The following TAFA1 variants were observed in gnomAD, a reference collection of about 807,000 sequenced individuals.
The protein encoded by TAFA1 is TAFA chemokine like family member 1.
TAFA1 carries 4 observed loss-of-function variants against 18.5 expected under a neutral mutation model. The observed-to-expected ratio is 0.22, with a 90% confidence interval of 0.11 to 0.49. The LOEUF (loss-of-function observed/expected upper bound fraction) is 0.49, where lower values mean the gene tolerates loss of function less well. TAFA1 is among the 20% of genes least tolerant of loss of function. The probability of loss-of-function intolerance (pLI) is 0.98; values close to 1 mark genes in which losing one functional copy is unlikely to be tolerated. For missense variants in TAFA1, 147 were observed against 169.0 expected, an observed-to-expected ratio of 0.87 and a Z score of 0.72; for synonymous variants, 56 against 55.2, an observed-to-expected ratio of 1.01 and a Z score of -0.06.
chr3:68,112,862 T>C (rs1316569123), intron 2 of TAFA1, among the ~76,000 whole-genome samples: 1 of 152,114 alleles, frequency 6.6e-6, no homozygotes, highest in Non-Finnish European at 1.5e-5. Flanking sequence ...ATAAAAGATA[T>C]GGAATGTTCC....
At chr3:68,179,226 G>C (rs540245809) in intron 2 of TAFA1, among the ~76,000 whole-genome samples, 30 of 152,100 alleles carry the variant, frequency 2.0e-4, no homozygotes, top group African/African-American at 7.0e-4. Context: ...CCTACTTTTG[G>C]CATTTTTAAA....
chr3:68,522,505 G>A (rs1286994736), intron 3 of TAFA1, among the ~76,000 whole-genome samples: 1 of 152,166 alleles, frequency 6.6e-6, no homozygotes, highest in Non-Finnish European at 1.5e-5. Context: ...TAGTCAATTG[G>A]ACTGGTGCTT....
chr3:68,483,783 T>C (rs912185273), intron 3 of TAFA1, among the ~76,000 whole-genome samples: 3 of 152,180 alleles, frequency 2.0e-5, no homozygotes, highest in African/African-American at 7.2e-5. Flanking sequence ...TTTAAGAGGA[T>C]AATGCCTTTC....
At chr3:68,026,720 C>T (rs1704824683) in intron 2 of TAFA1, among the ~76,000 whole-genome samples, 1 of 152,168 alleles carries the variant, frequency 6.6e-6, no homozygotes, top group Non-Finnish European at 1.5e-5. Context: ...TCTCAGTCTG[C>T]AGTCTGTGCT....
intron 4 of TAFA1, among the ~76,000 whole-genome samples, chr3:68,539,673 G>T (rs1575963755): frequency 1.1e-4 from 2 of 18,926 alleles, no homozygotes; most frequent in East Asian, 3.1e-3. Flanking sequence ...CTCTGTGTGT[G>T]TGTGTGGGGG....
At chr3:68,186,674 G>A (rs1376969664) in intron 2 of TAFA1, among the ~76,000 whole-genome samples, 10 of 151,918 alleles carry the variant, frequency 6.6e-5, no homozygotes, top group African/African-American at 1.5e-4. Context: ...TCTACTTACC[G>A]TCCTTTATCC....
chr3:68,522,271 T>C (rs1348122051), intron 3 of TAFA1, among the ~76,000 whole-genome samples: 2 of 152,172 alleles, frequency 1.3e-5, no homozygotes, highest in African/African-American at 4.8e-5. Flanking sequence ...TGAGATCTGA[T>C]ATAAATCATT....
At chr3:68,162,923 C>A (rs1249222103) in intron 2 of TAFA1, among the ~76,000 whole-genome samples, 1 of 152,092 alleles carries the variant, frequency 6.6e-6, no homozygotes, top group East Asian at 1.9e-4. Context: ...GTGGCATAGA[C>A]AGGAGGTAAT....
chr3:68,103,820 A>G lies in TAFA1; in HGVS notation c.118+97076A>G, dbSNP rs574324498. ...ACAACCTTCAGTTCTCATTGAACCTATGAAGTGGGTACTTTTATTACCTCA... is the reference window on the plus strand; with the variant it reads ...ACAACCTTCAGTTCTCATTGAACCTGTGAAGTGGGTACTTTTATTACCTCA... On this transcript the variant is annotated intron_variant, in intron 2 of 4. Transcript: ENST00000478136. Among the ~76,000 whole-genome samples, 6 of 152,304 alleles carry G rather than the reference A, an allele frequency of 3.9e-5. No homozygotes were observed. The South Asian group carries it at 1.2e-3, about 32-fold the overall frequency.
intron 2 of TAFA1, among the ~76,000 whole-genome samples, chr3:68,364,137 G>A (rs262226): frequency 0.49 from 73,846 of 152,022 alleles, 18,417 homozygotes; most frequent in East Asian, 0.74. Flanking sequence ...TCAGAATTAA[G>A]TGTAAGTGAA....
At chr3:68,265,535 C>G (rs1196995194) in intron 2 of TAFA1, among the ~76,000 whole-genome samples, 1 of 152,154 alleles carries the variant, frequency 6.6e-6, no homozygotes. Context: ...TCTGAAGCTT[C>G]AGAAAGATGT....
At chr3:68,353,880 G>A (rs2069315659) in intron 2 of TAFA1, among the ~76,000 whole-genome samples, 1 of 152,018 alleles carries the variant, frequency 6.6e-6, no homozygotes, top group South Asian at 2.1e-4. Flanking sequence ...CCCAGTCTGA[G>A]CAGTACAAAA....
intron 2 of TAFA1, among the ~76,000 whole-genome samples, chr3:68,343,305 T>C (rs901197664): frequency 3.3e-5 from 5 of 152,220 alleles, no homozygotes; most frequent in Non-Finnish European, 7.3e-5. Flanking sequence ...GAGGTACCCT[T>C]AATCTTACTG....
In TAFA1 at chr3:68,385,119, C is replaced by T. The variant is rs548889200; in HGVS notation, c.119-32161C>T. On this transcript the variant is annotated intron_variant, in intron 2 of 4. Transcript: ENST00000478136. ...TAAGATGGTTGCCCTTTCTTAACCTCGCACTCCTCATCTGTTAACTGGAGG... is the reference window on the plus strand; with the variant it reads ...TAAGATGGTTGCCCTTTCTTAACCTTGCACTCCTCATCTGTTAACTGGAGG... Among the ~76,000 whole-genome samples, 8 of 152,054 alleles carry T rather than the reference C, an allele frequency of 5.3e-5. No individual in the cohort carries two copies. The South Asian group carries it at 6.2e-4, about 12-fold the overall frequency.
At chr3:68,439,412 C>CATACATACATATATATATAT (rs1264523262) in intron 3 of TAFA1, among the ~76,000 whole-genome samples, 4 of 73,462 alleles carry the variant, frequency 5.4e-5, no homozygotes, top group African/African-American at 2.9e-4. Flanking sequence ...TATATACATA[C>CATACATACATATATATATAT]ATATATATAT....
intron 3 of TAFA1, among the ~76,000 whole-genome samples, chr3:68,443,204 T>C (rs976682517): frequency 5.3e-5 from 8 of 152,080 alleles, no homozygotes; most frequent in African/African-American, 1.7e-4. Flanking sequence ...CAGTCCTGGG[T>C]AAGACAGCCT....
chr3:68,410,302 G>A lies in TAFA1; in HGVS notation c.119-6978G>A, dbSNP rs1446982829. On this transcript the variant is annotated intron_variant, in intron 2 of 4. Coordinates refer to ENST00000478136, the MANE Select transcript of TAFA1 (RefSeq NM_213609.4). ...TTCCCCTTAACACCAGGGTCAACAT[G>A]GGCAAAAGGAATGAGAAGAAAGTCC... Among the ~76,000 whole-genome samples, 4 of 151,952 alleles carry A rather than the reference G, an allele frequency of 2.6e-5. No individual in the cohort carries two copies. The East Asian group carries it at 7.7e-4, about 29-fold the overall frequency.
intron 2 of TAFA1, among the ~76,000 whole-genome samples, chr3:68,255,984 C>T (rs573406872): frequency 8.6e-5 from 13 of 151,990 alleles, no homozygotes; most frequent in African/African-American, 3.1e-4. Flanking sequence ...ATAATTGTTT[C>T]CTTTCAGAAT....
At chr3:68,521,540 G>A (rs1034751590) in intron 3 of TAFA1, among the ~76,000 whole-genome samples, 1 of 152,138 alleles carries the variant, frequency 6.6e-6, no homozygotes, top group African/African-American at 2.4e-5. Flanking sequence ...TGAGGAAATA[G>A]GAGCACAATA....
Sources: allele counts gnomAD v4.1 joint callset (sites outside exome capture counted in the v4.1 genomes callset), GRCh38; gene constraint gnomAD v4.1.1; transcripts MANE v1.5; gene names NCBI Gene and HGNC (gene_info 2026-07-23, HGNC 2026-07-21).